CMTM2: variants seen among roughly 807,000 people sequenced by gnomAD.
The protein encoded by CMTM2 is CKLF like MARVEL transmembrane domain containing 2, also known as CKLF-like MARVEL transmembrane domain-containing protein 2.
A neutral mutation model predicts 16.8 loss-of-function variants in CMTM2; 15 were observed. The observed-to-expected ratio is 0.89, with a 90% CI of 0.60 to 1.37. The LOEUF (loss-of-function observed/expected upper bound fraction) is 1.37. CMTM2 is among the 40% of genes most tolerant of loss of function. CMTM2 has a pLI of 0.00. For synonymous variants in CMTM2, 117 were observed against 118.7 expected (o/e 0.99, Z 0.09); for missense variants, 282 against 318.0 (o/e 0.89, Z 0.86).
At position 66,579,703 on chromosome 16, in the gene CMTM2, G is replaced by A; in HGVS notation, c.96G>A (p.Lys32=). The change falls in exon 1 of 4, where the codon AAG becomes AAA. Residue 32 remains lysine (K), a synonymous_variant. Transcript: ENST00000268595. The surrounding 1 kb of genome is among the most constrained non-coding windows in gnomAD (Gnocchi z 6.5). ...CCGAGGAAGACAAGAAGGACGGTAA[G>A]GAGCCATCGGACAAACCTCAAAAGG... is the stretch of plus-strand genomic sequence containing the variant. ...AKPEEDKKDG[K]EPSDKPQKAV... is the part of the protein sequence containing the mutation. 2 of 1,613,514 alleles carry A rather than the reference G, an allele frequency of 1.2e-6. No homozygotes were observed. The highest frequency in any genetic ancestry group is 1.1e-5 in the South Asian group (1 of 91,030).
chr16:66,584,776 C>T (rs2014773696), intron 2 of CMTM2, among the ~76,000 whole-genome samples: 1 of 152,014 alleles, frequency 6.6e-6, no homozygotes, highest in Non-Finnish European at 1.5e-5. Context: ...CTATGTATCC[C>T]ATTAAAATTA....
rs1245458431 is a variant in CMTM2, at chr16:66,586,918, G to A, written c.445-79G>A. ...TGGAAATTTGCAAATCATTCCTTTG[G>A]AGGAAGCTAGCCAGGGTGCAGTGTT... On this transcript the variant is annotated intron_variant, in intron 2 of 3. Transcript: ENST00000268595. The A allele has an allele frequency of 7.2e-5, 69 of 958,932 alleles. No individual in the cohort carries two copies. In the South Asian group the frequency reaches 7.5e-4, roughly 10 times the overall value. 59.4% of individuals were successfully genotyped at this position (958,932 alleles called of 1,614,324 possible). A position where few individuals can be genotyped will look rare whatever the true frequency, so the allele number is the denominator to read the frequency against.
At chr16:66,583,781 C>G (rs12447969) in intron 2 of CMTM2, among the ~76,000 whole-genome samples, 8,949 of 152,052 alleles carry the variant, frequency 0.059, 421 homozygotes, top group East Asian at 0.12. Context: ...AAATTCTTAT[C>G]AAAGAAGAAA....
chr16:66,585,008 G>A (rs554381318), intron 2 of CMTM2, among the ~76,000 whole-genome samples: 4 of 150,584 alleles, frequency 2.7e-5, no homozygotes, highest in South Asian at 2.1e-4. Context: ...GTGCAATGGC[G>A]CAATCTCGGC....
At chr16:66,581,433 A>G (rs571481522) in intron 2 of CMTM2, among the ~76,000 whole-genome samples, 2 of 152,328 alleles carry the variant, frequency 1.3e-5, no homozygotes, top group East Asian at 3.9e-4. Context: ...CTGGCAAAAA[A>G]GAAATGAAAA....
intron 2 of CMTM2, among the ~76,000 whole-genome samples, chr16:66,585,221 C>T (rs1201171261): frequency 2.0e-5 from 3 of 152,332 alleles, no homozygotes; most frequent in East Asian, 3.9e-4. Flanking sequence ...GCTGGGATTA[C>T]AGGCGTGAGC....
chr16:66,586,458 T>C (rs2014793824), intron 2 of CMTM2, among the ~76,000 whole-genome samples: 1 of 151,918 alleles, frequency 6.6e-6, no homozygotes, highest in African/African-American at 2.4e-5. Flanking sequence ...GATAACATGG[T>C]GAAACCCCGT....
chr16:66,581,453 G>A (rs28445863), intron 2 of CMTM2, among the ~76,000 whole-genome samples: 8,895 of 152,148 alleles, frequency 0.058, 401 homozygotes, highest in East Asian at 0.12. Context: ...ACACACAGGC[G>A]CCAGAAATGG....
chr16:66,581,761 C>A (rs898794532), intron 2 of CMTM2, among the ~76,000 whole-genome samples: 1 of 152,164 alleles, frequency 6.6e-6, no homozygotes, highest in Non-Finnish European at 1.5e-5. Context: ...AGGAAGTCTT[C>A]CTTGAGAAAT....
chr16:66,586,964 T>G, intron 2 of CMTM2, 33 bp from the exon 3 acceptor site: 1 of 1,530,238 alleles, frequency 6.5e-7, no homozygotes. Context: ...GACCCTGGCT[T>G]TGGCTGAGGC....
Position 66,579,511 on chromosome 16 carries a change from T to C in CMTM2, c.-97T>C. The C allele has an allele frequency of 1.3e-6, 2 of 1,488,450 alleles. No homozygotes were observed. The highest frequency in any genetic ancestry group is 1.8e-6 in the Non-Finnish European group (2 of 1,099,262). The allele number at this position is 1,488,450 out of a possible 1,614,324, so 92.2% of individuals were successfully genotyped here. ...TGAGCACGCCCTCTGAGCCGCTCGG[T>C]GGACACCAGGCACTCTAGTAGGCCT... On this transcript the variant is annotated 5_prime_UTR_variant, in exon 1 of 4. Coordinates refer to ENST00000268595, the MANE Select transcript of CMTM2 (RefSeq NM_144673.3). This position sits in a 1 kb window ranked among gnomAD's most constrained non-coding sequence, Gnocchi z 6.5.
chr16:66,583,219 C>G (rs1245144372), intron 2 of CMTM2, among the ~76,000 whole-genome samples: 1 of 151,916 alleles, frequency 6.6e-6, no homozygotes, highest in Admixed American at 6.6e-5. Flanking sequence ...TGGCTGGGCA[C>G]GGGGGCTCAC....
At position 66,587,552 on chromosome 16, in the gene CMTM2, G is replaced by C. The variant is rs369272570; in HGVS notation, c.547-367G>C. Among the ~76,000 whole-genome samples the C allele has an allele frequency of 2.0e-5, 3 of 151,034 alleles. No individual in the cohort carries two copies. In the East Asian group the frequency reaches 5.8e-4, roughly 29 times the overall value. ...ACCCCGGACGACGGAGCGAGACTTC[G>C]TCTCAAAGGAAAAAAAAAAAAAGTA... On this transcript the variant is annotated intron_variant, in intron 3 of 3. Coordinates refer to ENST00000268595, the MANE Select transcript of CMTM2 (RefSeq NM_144673.3).
chr16:66,585,862 G>A (rs1211486502), intron 2 of CMTM2, among the ~76,000 whole-genome samples: 1 of 152,208 alleles, frequency 6.6e-6, no homozygotes, highest in Non-Finnish European at 1.5e-5. Context: ...AAGTGGCCAG[G>A]AAAGGACAAC....
chr16:66,581,286 C>T, intron 2 of CMTM2, among the ~76,000 whole-genome samples: 1 of 151,762 alleles, frequency 6.6e-6, no homozygotes, highest in East Asian at 1.9e-4. Context: ...AGGACAAGTT[C>T]CTAAACAAGG....
At position 66,579,754 on chromosome 16, in the gene CMTM2, G is replaced by A. The variant is rs1176842327; in HGVS notation, c.147G>A (p.Ser49=). 4 of 1,613,880 alleles carry A rather than the reference G, an allele frequency of 2.5e-6. No homozygotes were observed. Among genetic ancestry groups the A allele is most frequent in the Admixed American group, 3.3e-5 (2 of 60,008 alleles). The change falls in exon 1 of 4, where the codon TCG becomes TCA. Residue 49 remains serine (S), a synonymous_variant. Transcript: ENST00000268595. The surrounding 1 kb of genome is among the most constrained non-coding windows in gnomAD (Gnocchi z 6.5). The part of the protein sequence containing the change: ...QKAVQDHKEP[S]DKPQKAVQPK... ...CGGTGCAGGACCATAAGGAGCCATC[G>A]GACAAACCTCAAAAGGCGGTGCAGC...
chr16:66,587,099 G>GT lies in CMTM2; in HGVS notation c.546+2dup. 1 of 1,612,028 alleles carries GT rather than the reference G, an allele frequency of 6.2e-7. No homozygotes were observed. The highest frequency in any genetic ancestry group is 1.7e-4 in the Middle Eastern group (1 of 6,056). On this transcript the variant is annotated splice_donor_variant, in intron 3 of 3. Transcript: ENST00000268595. LOFTEE classifies it high-confidence loss of function. ...GAATCTCCACTACTTACTTGCTGTG[G>GT]TGAGTCTTTCCATGCTGGGCCTTGC...
chr16:66,583,260 G>A (rs910759619), intron 2 of CMTM2, among the ~76,000 whole-genome samples: 1 of 152,158 alleles, frequency 6.6e-6, no homozygotes, highest in Non-Finnish European at 1.5e-5. Context: ...GGGAGGCCGA[G>A]GTGGGTGGAC....
At chr16:66,587,715 C>CA (rs142539567) in intron 3 of CMTM2, among the ~76,000 whole-genome samples, 27 of 152,148 alleles carry the variant, frequency 1.8e-4, no homozygotes, top group Non-Finnish European at 3.5e-4. Context: ...AGAAAAGAAA[C>CA]AGAGATGAGA....
Sources: allele counts gnomAD v4.1 joint callset (sites outside exome capture counted in the v4.1 genomes callset), GRCh38; gene constraint gnomAD v4.1.1; non-coding constraint Gnocchi (gnomAD v3.1); transcripts MANE v1.5; gene names NCBI Gene and HGNC (gene_info 2026-07-23, HGNC 2026-07-21).